The following C2orf74 variants were observed in gnomAD, a reference collection of about 807,000 sequenced individuals.
The protein encoded by C2orf74 is DPM1 ER membrane anchor 1, also known as uncharacterized protein C2orf74.
Under a neutral mutation model 17.9 loss-of-function variants are expected in C2orf74, and 14 were observed. The observed-to-expected ratio is 0.78, with a 90% confidence interval of 0.52 to 1.22. The LOEUF is 1.22. Ranked by LOEUF, C2orf74 falls within the 50% of genes most tolerant of loss-of-function variation. C2orf74 has a pLI of 0.00. For synonymous variants in C2orf74, 79 were observed against 72.6 expected (o/e 1.09, Z -0.44); for missense variants, 217 against 218.4 (o/e 0.99, Z 0.04).
At chr2:61,150,888 G>A (rs931489513) in intron 1 of C2orf74, among the ~76,000 whole-genome samples, 2 of 152,162 alleles carry the variant, frequency 1.3e-5, no homozygotes, top group African/African-American at 2.4e-5. Context: ...CTCCTGAGGT[G>A]TGCTGGCCAG....
Position 61,163,050 on chromosome 2 carries a change from A to T in C2orf74, c.210-2A>T. On this transcript the variant is annotated splice_acceptor_variant, in intron 3 of 4. Coordinates refer to ENST00000432605, the MANE Select transcript of C2orf74 (RefSeq NM_001143959.4). LOFTEE classifies it high-confidence loss of function. ...TTAAAACTCTACCGATTAATTTTCT[A>T]GGATCTTAATGCAAGTCATGAACTT... The T allele has an allele frequency of 6.4e-7, 1 of 1,552,130 alleles. No individual in the cohort carries two copies. Among genetic ancestry groups the T allele is most frequent in the East Asian group, 2.4e-5 (1 of 41,056 alleles).
chr2:61,149,574 CTT>C (rs70959895), intron 1 of C2orf74, among the ~76,000 whole-genome samples: 89 of 80,000 alleles, frequency 1.1e-3, no homozygotes, highest in African/African-American at 2.5e-3. Context: ...GGGCGCCTTT[CTT>C]TTTTTTTTTT....
intron 1 of C2orf74, among the ~76,000 whole-genome samples, chr2:61,152,962 C>T (rs900813048): frequency 2.7e-5 from 4 of 150,478 alleles, no homozygotes; most frequent in Non-Finnish European, 5.9e-5. Flanking sequence ...TTGAGACCAG[C>T]CTCAACATGG....
intron 1 of C2orf74, among the ~76,000 whole-genome samples, chr2:61,149,985 C>A (rs1685179690): frequency 6.6e-6 from 1 of 152,022 alleles, no homozygotes; most frequent in African/African-American, 2.4e-5. Context: ...ACTTCTTGTC[C>A]CTGTTTGGAG....
chr2:61,155,324 T>C (rs1685360093), intron 1 of C2orf74, among the ~76,000 whole-genome samples: 1 of 152,222 alleles, frequency 6.6e-6, no homozygotes, highest in Non-Finnish European at 1.5e-5. Flanking sequence ...ATGTTTCTAC[T>C]ATTTTAACAA....
chr2:61,158,611 G>A (rs1469393797), upstream of C2orf74, among the ~76,000 whole-genome samples: 5 of 152,198 alleles, frequency 3.3e-5, no homozygotes, highest in Non-Finnish European at 5.9e-5. Context: ...TGCAGCTGAG[G>A]TGAACAGGAG....
At chr2:61,151,221 C>T (rs1334684919) in intron 1 of C2orf74, among the ~76,000 whole-genome samples, 1 of 148,328 alleles carries the variant, frequency 6.7e-6, no homozygotes, top group African/African-American at 2.5e-5. Context: ...GAGGCTGAGG[C>T]AGGAGAATCG....
intron 1 of C2orf74, among the ~76,000 whole-genome samples, chr2:61,150,871 A>G (rs534441278): frequency 2.6e-5 from 4 of 152,264 alleles, no homozygotes; most frequent in South Asian, 4.1e-4. Context: ...AGGCAGAGGA[A>G]TGTTGTCTCC....
intron 1 of C2orf74, chr2:61,151,818 T>C (rs1489140803): frequency 6.6e-6 from 1 of 152,220 alleles, no homozygotes; most frequent in East Asian, 1.9e-4. Context: ...AGAGATTTAC[T>C]ACTATAAATC....
chr2:61,161,429 T>C (rs962484738), upstream of C2orf74, among the ~76,000 whole-genome samples: 4 of 140,780 alleles, frequency 2.8e-5, no homozygotes, highest in African/African-American at 4.9e-5. Flanking sequence ...TGAGTGGTTT[T>C]AGCATGAAAG....
intron 1 of C2orf74, chr2:61,145,336 C>CT (rs2105008098): frequency 1.3e-5 from 2 of 152,420 alleles, no homozygotes; most frequent in South Asian, 4.1e-4. Flanking sequence ...GGGCGAAGTA[C>CT]TGGGGTACCA....
At chr2:61,153,965 G>A (rs1032200534) in intron 1 of C2orf74, among the ~76,000 whole-genome samples, 5 of 151,828 alleles carry the variant, frequency 3.3e-5, no homozygotes, top group African/African-American at 7.3e-5. Context: ...TTGGCTAGGC[G>A]CGATGGCTCA....
At chr2:61,152,561 A>T (rs1190227174) in intron 1 of C2orf74, among the ~76,000 whole-genome samples, 1 of 140,720 alleles carries the variant, frequency 7.1e-6, no homozygotes, top group Non-Finnish European at 1.5e-5. Context: ...TAAAAAAAAA[A>T]GCTGGGGCCG....
chr2:61,158,297 G>A (rs1436897885), upstream of C2orf74, among the ~76,000 whole-genome samples: 1 of 152,180 alleles, frequency 6.6e-6, no homozygotes, highest in Non-Finnish European at 1.5e-5. Context: ...TGTAGTGTAG[G>A]AGGTGAAAAA....
In C2orf74 at chr2:61,153,099, C is replaced by T. The variant is rs370349399; in HGVS notation, c.-122+7903C>T. ...CCTGGGAGGCAGAGGTTGGGGTGAG[C>T]CGAGATGGTGCCATTGCACTCCTGG... On this transcript the variant is annotated intron_variant, in intron 1 of 3. Transcript: ENST00000426997. Among the ~76,000 whole-genome samples, 7 of 149,770 alleles carry T rather than the reference C, an allele frequency of 4.7e-5. 1 individual carries two copies. In the East Asian group the frequency reaches 6.0e-4, roughly 13 times the overall value.
At chr2:61,150,404 C>A (rs1037189544) in intron 1 of C2orf74, among the ~76,000 whole-genome samples, 10 of 152,158 alleles carry the variant, frequency 6.6e-5, no homozygotes, top group African/African-American at 2.4e-4. Flanking sequence ...CTTGAAGGTA[C>A]TTCTTGATCT....
rs1474797101 is a variant in C2orf74, at chr2:61,164,517, A to T, written c.554A>T (p.Glu185Val). The T allele has an allele frequency of 6.6e-7, 1 of 1,523,028 alleles. No homozygotes were observed. Among genetic ancestry groups the T allele is most frequent in the South Asian group, 1.3e-5 (1 of 78,042 alleles). 94.3% of individuals were successfully genotyped at this position (1,523,028 alleles called of 1,614,324 possible). ...TPRSYTREHK[E>V]RK ...CGAAGCTATACTCGAGAACATAAAGAGAGGAAATGAAGCTCAAAAAAGGGT... is the reference window on the plus strand; with the variant it reads ...CGAAGCTATACTCGAGAACATAAAGTGAGGAAATGAAGCTCAAAAAAGGGT... Residue 185 changes from glutamate to valine, a missense_variant, in exon 5 of 5, where the codon GAG becomes GTG. Coordinates refer to ENST00000432605, the MANE Select transcript of C2orf74 (RefSeq NM_001143959.4).
chr2:61,163,763 A>C (rs1187410124), intron 4 of C2orf74, among the ~76,000 whole-genome samples: 2 of 152,054 alleles, frequency 1.3e-5, no homozygotes, highest in Admixed American at 1.3e-4. Flanking sequence ...CAAGTCTAGA[A>C]ACTTGCTTAG....
At chr2:61,157,248 C>T (rs556992361), upstream of C2orf74, among the ~76,000 whole-genome samples, 1 of 152,248 alleles carries the variant, frequency 6.6e-6, no homozygotes, top group East Asian at 1.9e-4. Context: ...ACCATGTTGG[C>T]CAGGCTGGTC....
Sources: gnomAD v4.1 joint callset for allele counts (sites outside exome capture counted in the v4.1 genomes callset) on GRCh38, gnomAD v4.1.1 for gene constraint, MANE v1.5 for transcripts, NCBI Gene and HGNC (gene_info 2026-07-23, HGNC 2026-07-21) for gene names.